Variants in PRKCA observed in about 807,000 individuals in gnomAD.
PRKCA encodes protein kinase C alpha type.
Under a neutral mutation model 87.0 loss-of-function variants are expected in PRKCA, and 27 were observed. That is an observed-to-expected ratio of 0.31 (90% CI 0.23 to 0.43). The LOEUF (loss-of-function observed/expected upper bound fraction) is 0.43, where lower values mean the gene tolerates loss of function less well. PRKCA is among the 20% of genes least tolerant of loss of function. The pLI is 1.00. For synonymous variants in PRKCA, 329 were observed against 311.1 expected, an observed-to-expected ratio of 1.06 and a Z score of -0.61; for missense variants, 518 against 852.3, an observed-to-expected ratio of 0.61 and a Z score of 4.88.
intron 16 of PRKCA, among the ~76,000 whole-genome samples, chr17:66,800,137 G>GC (rs1178380310): frequency 6.6e-6 from 1 of 152,198 alleles, no homozygotes; most frequent in African/African-American, 2.4e-5. Flanking sequence ...GCCTGTGCCT[G>GC]CCTCTTATCT....
intron 14 of PRKCA, among the ~76,000 whole-genome samples, chr17:66,783,191 C>G (rs1345903971): frequency 6.6e-6 from 1 of 152,176 alleles, no homozygotes; most frequent in Non-Finnish European, 1.5e-5. Context: ...GGCTTTGTTA[C>G]AGCTTGGGCA....
At chr17:66,444,806 A>C (rs1913948464) in intron 2 of PRKCA, among the ~76,000 whole-genome samples, 1 of 152,170 alleles carries the variant, frequency 6.6e-6, no homozygotes, top group African/African-American at 2.4e-5. Flanking sequence ...CCTTGTTTGC[A>C]CCTGGTGGAG....
intron 2 of PRKCA, among the ~76,000 whole-genome samples, chr17:66,482,928 T>C (rs572606879): frequency 1.2e-4 from 19 of 152,330 alleles, no homozygotes; most frequent in African/African-American, 4.6e-4. Context: ...ACCTGTAATC[T>C]TTGTATGCCT....
At chr17:66,446,395 G>A (rs1484186451) in intron 2 of PRKCA, among the ~76,000 whole-genome samples, 1 of 152,170 alleles carries the variant, frequency 6.6e-6, no homozygotes, top group African/African-American at 2.4e-5. Context: ...CTCCAGGATG[G>A]AAACAATTTT....
At chr17:66,540,729 C>G (rs1967957631) in intron 3 of PRKCA, among the ~76,000 whole-genome samples, 1 of 152,242 alleles carries the variant, frequency 6.6e-6, no homozygotes, top group South Asian at 2.1e-4. Context: ...CCGGTTCTGT[C>G]TCTGTCACTT....
intron 16 of PRKCA, among the ~76,000 whole-genome samples, chr17:66,797,671 G>C (rs1251332984): frequency 6.6e-6 from 1 of 152,092 alleles, no homozygotes; most frequent in Non-Finnish European, 1.5e-5. Flanking sequence ...TATACATTGG[G>C]GCTCTTGATC....
At chr17:66,602,866 G>A (rs1242748115) in intron 3 of PRKCA, among the ~76,000 whole-genome samples, 2 of 152,162 alleles carry the variant, frequency 1.3e-5, no homozygotes, top group African/African-American at 4.8e-5. Flanking sequence ...TGTGCTGTCT[G>A]CAGTGGGAAG....
intron 8 of PRKCA, among the ~76,000 whole-genome samples, chr17:66,693,308 C>A (rs1314574811): frequency 6.6e-6 from 1 of 151,266 alleles, no homozygotes; most frequent in Non-Finnish European, 1.5e-5. Context: ...TGTCTGTGGG[C>A]CTTTAATCTG....
intron 8 of PRKCA, among the ~76,000 whole-genome samples, chr17:66,706,991 G>A (rs1056277212): frequency 6.6e-6 from 1 of 152,138 alleles, no homozygotes; most frequent in Non-Finnish European, 1.5e-5. Flanking sequence ...AAGGGAGTGT[G>A]TTCAAAGCTT....
At chr17:66,721,301 G>C (rs1233071480) in intron 8 of PRKCA, among the ~76,000 whole-genome samples, 1 of 151,608 alleles carries the variant, frequency 6.6e-6, no homozygotes, top group African/African-American at 2.4e-5. Flanking sequence ...GGAGGCTGAG[G>C]CAGGAGAATG....
At chr17:66,501,460 A>T (rs894597817) in intron 3 of PRKCA, among the ~76,000 whole-genome samples, 19 of 152,182 alleles carry the variant, frequency 1.2e-4, no homozygotes, top group Admixed American at 1.2e-3. Context: ...GTAGAGAAGG[A>T]ATGAAAGCAG....
At chr17:66,449,245 C>A (rs1341255480) in intron 2 of PRKCA, among the ~76,000 whole-genome samples, 1 of 151,950 alleles carries the variant, frequency 6.6e-6, no homozygotes, top group Non-Finnish European at 1.5e-5. Context: ...GCAGCGATAG[C>A]ACCACTGCAC....
chr17:66,471,018 A>G lies in PRKCA; in HGVS notation c.206-25183A>G, dbSNP rs1229783628. ...GGGAACTTTTTTTTTTTTTTAGTTTAGTTTTTTTTTTAATTGTACTTCTAC... is the reference window on the plus strand; with the variant it reads ...GGGAACTTTTTTTTTTTTTTAGTTTGGTTTTTTTTTTAATTGTACTTCTAC... On this transcript the variant is annotated intron_variant, in intron 2 of 16. Coordinates refer to ENST00000413366, the MANE Select transcript of PRKCA (RefSeq NM_002737.3). 1.4e-5 allele frequency among the ~76,000 whole-genome samples: 2 copies of G among 139,436 alleles called. 1 individual carries two copies. The highest frequency in any genetic ancestry group is 4.5e-4 in the South Asian group (2 of 4,480). The allele number at this position is 139,436 out of a possible 152,430, so 91.5% of individuals were successfully genotyped here.
intron 5 of PRKCA, among the ~76,000 whole-genome samples, chr17:66,668,413 G>A (rs187704488): frequency 6.6e-6 from 1 of 152,314 alleles, no homozygotes; most frequent in East Asian, 1.9e-4. Flanking sequence ...ACAGATTCAA[G>A]ATGTGTAATT....
At position 66,691,349 on chromosome 17, in the gene PRKCA, TTGTC is replaced by T. The variant is rs545522778; in HGVS notation, c.918+2304_918+2307del. Reference sequence around the variant, plus strand: ...GTGCATGTATCTGTGTAACTACTATTTGTCTATCTATCAATAGAGAGAAAAGAAT... The same window carrying T: ...GTGCATGTATCTGTGTAACTACTATTTATCTATCAATAGAGAGAAAAGAAT... On this transcript the variant is annotated intron_variant, in intron 8 of 16. Coordinates refer to ENST00000413366, the MANE Select transcript of PRKCA (RefSeq NM_002737.3). Among the ~76,000 whole-genome samples, 500 of 152,308 alleles carry T rather than the reference TTGTC, an allele frequency of 3.3e-3. 3 individuals are homozygous for T. Among genetic ancestry groups the T allele is most frequent in the African/African-American group, 0.011 (465 of 41,562 alleles).
At chr17:66,422,223 C>A (rs1354761074) in intron 2 of PRKCA, among the ~76,000 whole-genome samples, 1 of 152,078 alleles carries the variant, frequency 6.6e-6, no homozygotes, top group Admixed American at 6.5e-5. Flanking sequence ...GGGATTGGGA[C>A]TTTAACATGA....
chr17:66,420,020 T>G (rs1173439471), intron 2 of PRKCA, among the ~76,000 whole-genome samples: 1 of 150,310 alleles, frequency 6.7e-6, no homozygotes, highest in Non-Finnish European at 1.5e-5. Context: ...TTTTTTTTTT[T>G]TTTTAAATAT....
intron 3 of PRKCA, among the ~76,000 whole-genome samples, chr17:66,542,124 T>C (rs1352911129): frequency 1.3e-5 from 2 of 152,236 alleles, no homozygotes; most frequent in African/African-American, 4.8e-5. Context: ...TTAAGGAGTT[T>C]ATACGGAGTG....
At chr17:66,354,459 C>A (rs1263570983) in intron 2 of PRKCA, among the ~76,000 whole-genome samples, 2 of 152,144 alleles carry the variant, frequency 1.3e-5, no homozygotes, top group Non-Finnish European at 2.9e-5. Flanking sequence ...TTTGTAGGAT[C>A]TAAGCTGTGT....
Sources: gnomAD v4.1 joint callset for allele counts (sites outside exome capture counted in the v4.1 genomes callset) on GRCh38, gnomAD v4.1.1 for gene constraint, MANE v1.5 for transcripts, NCBI Gene and HGNC (gene_info 2026-07-23, HGNC 2026-07-21) for gene names.